The following SCN2A variants were observed in gnomAD, a reference collection of about 807,000 sequenced individuals.
SCN2A encodes sodium channel protein type 2 subunit alpha.
Under a neutral mutation model 188.7 loss-of-function variants are expected in SCN2A, and 20 were observed. The observed-to-expected ratio is 0.11, with a 90% CI of 0.07 to 0.15. The LOEUF is 0.15. Among genes scored for constraint, SCN2A ranks in the 10% least tolerant of loss-of-function variants. The pLI is 1.00. For synonymous variants in SCN2A, 804 were observed against 833.1 expected, an observed-to-expected ratio of 0.97 and a Z score of 0.60; for missense variants, 1,278 against 2,445.0, an observed-to-expected ratio of 0.52 and a Z score of 10.07.
intron 1 of SCN2A, among the ~76,000 whole-genome samples, chr2:165,276,872 T>C (rs529670892): frequency 6.6e-6 from 1 of 152,282 alleles, no homozygotes; most frequent in African/African-American, 2.4e-5. Flanking sequence ...ATGTCAATGA[T>C]CTTAAAAATT....
chr2:165,390,446 G>A lies in SCN2A; in HGVS notation c.*622G>A, dbSNP rs1702082063. On this transcript the variant is annotated 3_prime_UTR_variant, in exon 27 of 27. Coordinates refer to ENST00000375437, the MANE Select transcript of SCN2A (RefSeq NM_001040142.2). The stretch of plus-strand genomic sequence containing the variant: ...CACAAAAGGGAAGAGTTTACTTCTT[G>A]TTTCAGGATGTTTTTAGATTTTTGA... The A allele has an allele frequency of 6.6e-6, 1 of 152,470 alleles. No individual in the cohort carries two copies. Among genetic ancestry groups the A allele is most frequent in the Non-Finnish European group, 1.5e-5 (1 of 68,014 alleles). The allele number at this position is 152,470 out of a possible 1,614,324, so 9.4% of individuals were successfully genotyped here.
intron 1 of SCN2A, among the ~76,000 whole-genome samples, chr2:165,291,035 C>CTTTTTTTTTTTTTTTTTTTTTTTTTT (rs55979694): frequency 1.3e-5 from 1 of 79,970 alleles, no homozygotes. Context: ...TCTTTTCTTT[C>CTTTTTTTTTTTTTTTTTTTTTTTTTT]TTTTTTTTTT....
At chr2:165,363,047 A>T (rs1489462788) in intron 17 of SCN2A, among the ~76,000 whole-genome samples, 4 of 152,172 alleles carry the variant, frequency 2.6e-5, no homozygotes, top group Non-Finnish European at 5.9e-5. Context: ...TTGATGTTAC[A>T]GGAATCCTAT....
intron 1 of SCN2A, among the ~76,000 whole-genome samples, chr2:165,262,970 G>A (rs1227210144): frequency 1.3e-5 from 2 of 152,106 alleles, no homozygotes; most frequent in Non-Finnish European, 2.9e-5. Flanking sequence ...TTGTGGTTTT[G>A]ATTTGCATTT....
intron 19 of SCN2A, 86 bp from the exon 20 acceptor site, chr2:165,370,040 G>C (rs1431622114): frequency 8.4e-7 from 1 of 1,190,616 alleles, no homozygotes; most frequent in African/African-American, 1.5e-5. Context: ...CACCTGATAA[G>C]AGCTTGCATC....
At chr2:165,278,495 C>G (rs187713329) in intron 1 of SCN2A, among the ~76,000 whole-genome samples, 9 of 152,252 alleles carry the variant, frequency 5.9e-5, no homozygotes. Context: ...ACAAGAACAG[C>G]ACTGGGGAAA....
chr2:165,373,399 A>C (rs1455527548), intron 21 of SCN2A, 52 bp downstream of exon 21: 1 of 1,601,052 alleles, frequency 6.2e-7, no homozygotes, highest in African/African-American at 1.3e-5. Context: ...GAGCAGACTG[A>C]CACTTTGTAC....
At chr2:165,347,026 C>T (rs552817181) in intron 16 of SCN2A, among the ~76,000 whole-genome samples, 1 of 152,272 alleles carries the variant, frequency 6.6e-6, no homozygotes, top group African/African-American at 2.4e-5. Flanking sequence ...TTGTGGAAAA[C>T]AGTGTGGCAA....
chr2:165,294,971 G>A (rs1446567665), intron 1 of SCN2A, among the ~76,000 whole-genome samples: 1 of 152,116 alleles, frequency 6.6e-6, no homozygotes, highest in Non-Finnish European at 1.5e-5. Flanking sequence ...TGAGGAAATT[G>A]GCTATCTCTA....
chr2:165,294,574 G>A (rs1215518894), intron 1 of SCN2A, among the ~76,000 whole-genome samples: 1 of 149,464 alleles, frequency 6.7e-6, no homozygotes, highest in Admixed American at 6.7e-5. Context: ...CTTAGAAAAT[G>A]CATTTCATAT....
At chr2:165,371,894 C>T (rs575595824) in intron 20 of SCN2A, 1 of 152,106 alleles carries the variant, frequency 6.6e-6, no homozygotes. Flanking sequence ...GCTGCAATGT[C>T]CCAGAAAGAG....
At chr2:165,335,589 T>C (rs898838078) in intron 14 of SCN2A, among the ~76,000 whole-genome samples, 1 of 151,722 alleles carries the variant, frequency 6.6e-6, no homozygotes, top group African/African-American at 2.4e-5. Flanking sequence ...TAATAACATA[T>C]ATAAAAATTA....
At chr2:165,239,756 A>T (rs1693537537) in intron 1 of SCN2A, 116 bp downstream of exon 1, 1 of 372,538 alleles carries the variant, frequency 2.7e-6, no homozygotes, top group Non-Finnish European at 3.7e-6. Flanking sequence ...AGAGATTCAA[A>T]AGCTCTAATT....
rs1290406159 is a variant in SCN2A, at chr2:165,313,976, A to C, written c.1251A>C (p.Ile417=). 2 of 1,613,820 alleles carry C rather than the reference A, an allele frequency of 1.2e-6. No individual in the cohort carries two copies. Among genetic ancestry groups the C allele is most frequent in the Admixed American group, 1.7e-5 (1 of 59,996 alleles). Residue 417 remains isoleucine (I), a synonymous_variant, in exon 10 of 27, where the codon ATA becomes ATC. Coordinates refer to ENST00000375437, the MANE Select transcript of SCN2A (RefSeq NM_001040142.2). ...TTTTCTTGGGCTCATTCTATCTAAT[A>C]AATTTGATCTTGGCTGTGGTGGCCA... The part of the protein sequence containing the change: ...LVIFLGSFYL[I]NLILAVVAMA...
chr2:165,291,482 CTT>C (rs763026058), intron 1 of SCN2A, among the ~76,000 whole-genome samples: 1 of 58,988 alleles, frequency 1.7e-5, no homozygotes, highest in African/African-American at 7.0e-5. Context: ...TTCTTTCTTT[CTT>C]TCTTTCTTTT....
intron 11 of SCN2A, among the ~76,000 whole-genome samples, chr2:165,321,092 A>G (rs963553271): frequency 1.3e-5 from 2 of 152,122 alleles, no homozygotes; most frequent in Non-Finnish European, 2.9e-5. Flanking sequence ...CTGCTTAGAA[A>G]TTTCTTCTGC....
At chr2:165,358,044 A>C (rs907485034) in intron 17 of SCN2A, among the ~76,000 whole-genome samples, 3 of 152,236 alleles carry the variant, frequency 2.0e-5, no homozygotes, top group African/African-American at 7.2e-5. Context: ...ACTTAAAAAA[A>C]AGTGATTTAG....
At chr2:165,296,135 G>A (rs368414594) in intron 2 of SCN2A, 45 bp downstream of exon 2, 54 of 1,580,634 alleles carry the variant, frequency 3.4e-5, no homozygotes, top group Non-Finnish European at 4.3e-5. Context: ...TTACTAATTG[G>A]TTCTGGGCTA....
chr2:165,310,582 T>C lies in SCN2A; in HGVS notation c.957T>C (p.Tyr319=). ...TGAGCATATTTAACTGGGATGAATA[T>C]ATTGAGGATAAAAGTAAGATATACT... ...RTVSIFNWDE[Y]IEDKSHFYFL... The change falls in exon 7 of 27, where the codon TAT becomes TAC. Residue 319 remains tyrosine (Y), a synonymous_variant. Coordinates refer to ENST00000375437, the MANE Select transcript of SCN2A (RefSeq NM_001040142.2). 2 of 1,610,990 alleles carry C rather than the reference T, an allele frequency of 1.2e-6. No homozygotes were observed. The highest frequency in any genetic ancestry group is 8.5e-7 in the Non-Finnish European group (1 of 1,177,686).
Sources: gnomAD v4.1 joint callset for allele counts (sites outside exome capture counted in the v4.1 genomes callset) on GRCh38, gnomAD v4.1.1 for gene constraint, MANE v1.5 for transcripts, NCBI Gene and HGNC (gene_info 2026-07-23, HGNC 2026-07-21) for gene names.